The following SMG7 variants were observed in gnomAD, a reference collection of about 807,000 sequenced individuals.
The protein encoded by SMG7 is SMG7 nonsense mediated mRNA decay factor.
In SMG7, 34 loss-of-function variants were observed where a neutral mutation model predicts 148.2. That is an observed-to-expected ratio of 0.23 (90% confidence interval 0.17 to 0.31). The LOEUF (loss-of-function observed/expected upper bound fraction) is 0.31, where lower values mean the gene tolerates loss of function less well. Ranked by LOEUF, SMG7 falls within the 10% of genes least tolerant of loss-of-function variation. The pLI is 1.00. For synonymous variants in SMG7, 492 were observed against 515.1 expected, an observed-to-expected ratio of 0.96 and a Z score of 0.61; for missense variants, 1,114 against 1,408.4, an observed-to-expected ratio of 0.79 and a Z score of 3.35.
chr1:183,529,186 G>T, intron 7 of SMG7, 144 bp downstream of exon 7: 1 of 954,294 alleles, frequency 1.0e-6, no homozygotes. Context: ...TTTGTGTATA[G>T]TCACTGAATT....
At chr1:183,510,479 A>C (rs1001973760) in intron 1 of SMG7, among the ~76,000 whole-genome samples, 2 of 152,114 alleles carry the variant, frequency 1.3e-5, no homozygotes, top group Admixed American at 1.3e-4. Context: ...ATGGAATTTG[A>C]TATGATGTTA....
intron 1 of SMG7, among the ~76,000 whole-genome samples, chr1:183,488,076 A>G (rs1655941717): frequency 6.6e-6 from 1 of 152,156 alleles, no homozygotes; most frequent in Non-Finnish European, 1.5e-5. Flanking sequence ...AATCAGTACT[A>G]TTTCTCTGAG....
At chr1:183,526,806 C>T in intron 5 of SMG7, 39 bp downstream of exon 5, 1 of 1,547,516 alleles carries the variant, frequency 6.5e-7, no homozygotes, top group Non-Finnish European at 8.8e-7. Context: ...ATATGTTCCT[C>T]CTTTTCTTTG....
In SMG7 at chr1:183,542,503, G is replaced by C. The variant is rs777012782; in HGVS notation, c.1842+1G>C. ...AGGAAAGCAGAATGTGGCAGTGCAG[G>C]TAAGCTGTATTTGAACTATAAAGCA... On this transcript the variant is annotated splice_donor_variant, in intron 14 of 22. Coordinates refer to ENST00000688051, the MANE Select transcript of SMG7 (RefSeq NM_001375584.1). LOFTEE classifies it high-confidence loss of function. 6 of 1,609,948 alleles carry C rather than the reference G, an allele frequency of 3.7e-6. No individual in the cohort carries two copies. The highest frequency in any genetic ancestry group is 5.1e-6 in the Non-Finnish European group (6 of 1,178,200).
At chr1:183,485,201 T>G (rs1655145503) in intron 1 of SMG7, among the ~76,000 whole-genome samples, 1 of 152,230 alleles carries the variant, frequency 6.6e-6, no homozygotes, top group Non-Finnish European at 1.5e-5. Context: ...ATCAGGCTGA[T>G]TCTATCTGTA....
At chr1:183,531,544 C>T (rs182512313) in intron 8 of SMG7, among the ~76,000 whole-genome samples, 3 of 152,158 alleles carry the variant, frequency 2.0e-5, no homozygotes, top group Admixed American at 1.3e-4. Flanking sequence ...ATTAAGTACC[C>T]GCTATGTACC....
chr1:183,542,507 G>A lies in SMG7; in HGVS notation c.1842+5G>A, dbSNP rs1669056475. On this transcript the variant is annotated splice_donor_5th_base_variant and intron_variant, in intron 14 of 22. Coordinates refer to ENST00000688051, the MANE Select transcript of SMG7 (RefSeq NM_001375584.1). The stretch of plus-strand genomic sequence containing the variant: ...AAGCAGAATGTGGCAGTGCAGGTAA[G>A]CTGTATTTGAACTATAAAGCAGGTA... The A allele has an allele frequency of 6.2e-7, 1 of 1,608,926 alleles. No homozygotes were observed.
intron 1 of SMG7, among the ~76,000 whole-genome samples, chr1:183,478,693 A>C (rs746808558): frequency 2.6e-5 from 4 of 152,176 alleles, no homozygotes; most frequent in Non-Finnish European, 5.9e-5. Flanking sequence ...ACACTTTAAA[A>C]GGGCTGGTGT....
intron 10 of SMG7, 110 bp from the exon 11 acceptor site, chr1:183,537,035 A>G: frequency 1.4e-6 from 1 of 703,008 alleles, no homozygotes; most frequent in Non-Finnish European, 2.5e-6. Flanking sequence ...TGCTGAAATA[A>G]GGGAAAAATA....
chr1:183,508,187 A>G (rs1661352196), intron 1 of SMG7: 1 of 929,396 alleles, frequency 1.1e-6, no homozygotes, highest in Non-Finnish European at 1.3e-6. Flanking sequence ...ATTGAGGTAT[A>G]GTATTTTTTT....
rs1042552746 is a variant in SMG7 at position 183,549,261 on chromosome 1, G to T, written c.2946G>T (p.Leu982=). ...SELMSHSSSF[L]SLTGFSLNQE... ...TCATGTCACATTCATCCTCTTTCCT[G>T]TCCCTCACCGGATTCTCTCTCAATC... is the stretch of plus-strand genomic sequence containing the variant. The change falls in exon 19 of 23, where the codon CTG becomes CTT. Residue 982 remains leucine (L), a synonymous_variant. Coordinates refer to ENST00000688051, the MANE Select transcript of SMG7 (RefSeq NM_001375584.1). 1.2e-6 allele frequency: 2 copies of T among 1,613,572 alleles called. No individual in the cohort carries two copies. The highest frequency in any genetic ancestry group is 1.1e-5 in the South Asian group (1 of 91,068).
At chr1:183,542,882 A>T (rs1311486515) in intron 14 of SMG7, among the ~76,000 whole-genome samples, 1 of 150,258 alleles carries the variant, frequency 6.7e-6, no homozygotes, top group Non-Finnish European at 1.5e-5. Flanking sequence ...GAGTATATTA[A>T]GGCTTATGCA....
chr1:183,547,301 C>G, intron 18 of SMG7, 49 bp downstream of exon 18: 1 of 1,487,412 alleles, frequency 6.7e-7, no homozygotes, highest in Non-Finnish European at 9.1e-7. Context: ...CCAGCTGCTT[C>G]TCTGAGATAC....
At chr1:183,518,281 A>T (rs1019321161) in intron 4 of SMG7, among the ~76,000 whole-genome samples, 3 of 145,134 alleles carry the variant, frequency 2.1e-5, no homozygotes, top group East Asian at 2.0e-4. Flanking sequence ...TAAGACCTTT[A>T]AAAAAAAAAA....
intron 3 of SMG7, among the ~76,000 whole-genome samples, chr1:183,517,149 C>T (rs1663733499): frequency 6.6e-6 from 1 of 152,002 alleles, no homozygotes; most frequent in African/African-American, 2.4e-5. Flanking sequence ...TTGTAAATAG[C>T]CAAATTTGAA....
At chr1:183,550,005 C>A (rs1315792826) in intron 20 of SMG7, 82 bp downstream of exon 20, 4 of 847,714 alleles carry the variant, frequency 4.7e-6, no homozygotes, top group South Asian at 5.1e-5. Flanking sequence ...TCTGTAATTA[C>A]AAATATATCA....
chr1:183,507,254 C>A (rs143265685), intron 1 of SMG7, among the ~76,000 whole-genome samples: 11 of 152,210 alleles, frequency 7.2e-5, no homozygotes, highest in African/African-American at 2.4e-4. Context: ...TATGTATAAT[C>A]AAGATATTTG....
intron 15 of SMG7, 87 bp downstream of exon 15, chr1:183,544,584 G>A: frequency 7.1e-7 from 1 of 1,409,000 alleles, no homozygotes; most frequent in Non-Finnish European, 9.9e-7. Flanking sequence ...TTCTGTTGGA[G>A]TAATGTTACT....
At chr1:183,473,701 T>G (rs184264018) in intron 1 of SMG7, 629 of 979,486 alleles carry the variant, frequency 6.4e-4, no homozygotes, top group South Asian at 5.1e-3. Context: ...ACTTTAAAAT[T>G]GGTCCTTTTT....
Sources: gnomAD v4.1 joint callset for allele counts (sites outside exome capture counted in the v4.1 genomes callset) on GRCh38, gnomAD v4.1.1 for gene constraint, MANE v1.5 for transcripts, NCBI Gene and HGNC (gene_info 2026-07-23, HGNC 2026-07-21) for gene names.